Variants in AHDC1 observed in about 807,000 individuals in gnomAD.
The protein encoded by AHDC1 is transcription factor Gibbin.
In AHDC1, 7 loss-of-function variants were observed where a neutral mutation model predicts 87.9. That is an observed-to-expected ratio of 0.08 (90% CI 0.05 to 0.15). AHDC1 has a LOEUF of 0.15. AHDC1 is among the 10% of genes least tolerant of loss of function. AHDC1 has a pLI of 1.00. For missense variants in AHDC1, 1,841 were observed against 2,253.2 expected (o/e 0.82, Z 3.70); for synonymous variants, 1,051 against 1,006.8 (o/e 1.04, Z -0.83).
Position 27,593,109 on chromosome 1 carries a change from G to A in AHDC1, c.-629+10288C>T, listed in dbSNP as rs544007126. Among the ~76,000 whole-genome samples the A allele has an allele frequency of 1.3e-5, 2 of 152,168 alleles. No individual in the cohort carries two copies. The highest frequency in any genetic ancestry group is 1.9e-4 in the East Asian group (1 of 5,156). ...CCCTCCAGGGGACACAGGCCTCGGT[G>A]GAACGGAGTAGACACGGTGTCTCCT... is the stretch of plus-strand genomic sequence containing the variant. On this transcript the variant is annotated intron_variant, in intron 3 of 8. Transcript: ENST00000673934. This position sits in a 1 kb window ranked among gnomAD's most constrained non-coding sequence, Gnocchi z 4.9.
intron 3 of AHDC1, among the ~76,000 whole-genome samples, chr1:27,599,349 C>T (rs2089466819): frequency 6.6e-6 from 1 of 152,090 alleles, no homozygotes; most frequent in African/African-American, 2.4e-5. Context: ...CTCACTGTTT[C>T]CCCTCCTCTC....
intron 3 of AHDC1, among the ~76,000 whole-genome samples, chr1:27,564,058 A>G (rs1571275661): frequency 6.6e-6 from 1 of 152,168 alleles, no homozygotes; most frequent in Admixed American, 6.5e-5. Context: ...CATAGCTTCC[A>G]GGGGAGCCCT....
intron 8 of AHDC1, among the ~76,000 whole-genome samples, chr1:27,543,421 C>T (rs1249341154): frequency 6.6e-6 from 1 of 152,268 alleles, no homozygotes; most frequent in East Asian, 1.9e-4. Context: ...CCATCAGCCA[C>T]AGCTCTCAGA....
chr1:27,555,499 T>C (rs2019778217), intron 5 of AHDC1, among the ~76,000 whole-genome samples: 1 of 152,146 alleles, frequency 6.6e-6, no homozygotes, highest in Admixed American at 6.5e-5. Context: ...TACTTTGCTC[T>C]CTCCCAGGCC....
chr1:27,547,599 G>T lies in AHDC1; in HGVS notation c.4517C>A (p.Ala1506Asp). Residue 1506 changes from alanine (A) to aspartate (D), a missense_variant, in exon 8 of 9, where the codon GCT (alanine) becomes GAT (aspartate). Ala to Asp is a moderately radical substitution (Grantham distance 126). This residue lies in a region of AHDC1 where 505 missense variants were observed against 626.2 expected (regional missense o/e 0.81). Coordinates refer to ENST00000673934, the MANE Select transcript of AHDC1 (RefSeq NM_001371928.1). The surrounding 1 kb of genome is among the most constrained non-coding windows in gnomAD (Gnocchi z 4.9). The part of the protein sequence containing the change: ...EAACLSAPHL[A>D]SPPATPKADK... ...GGCCTTGGGCGTGGCTGGTGGGCTA[G>T]CCAGGTGAGGGGCACTGAGGCACGC... 1 of 1,605,750 alleles carries T rather than the reference G, an allele frequency of 6.2e-7. No homozygotes were observed. Among genetic ancestry groups the T allele is most frequent in the Non-Finnish European group, 8.5e-7 (1 of 1,176,936 alleles).
intron 3 of AHDC1, among the ~76,000 whole-genome samples, chr1:27,566,163 A>G (rs1310396303): frequency 1.3e-5 from 2 of 152,212 alleles, no homozygotes; most frequent in Non-Finnish European, 2.9e-5. Context: ...AGAAGGACAA[A>G]GTCAGAAGAA....
intron 3 of AHDC1, among the ~76,000 whole-genome samples, chr1:27,601,185 A>G (rs528924551): frequency 6.6e-6 from 1 of 152,396 alleles, no homozygotes; most frequent in East Asian, 1.9e-4. Context: ...GTTTCTCTCT[A>G]TATTATTTCA....
At chr1:27,568,712 G>A (rs1557685284) in intron 3 of AHDC1, among the ~76,000 whole-genome samples, 1 of 151,794 alleles carries the variant, frequency 6.6e-6, no homozygotes, top group Non-Finnish European at 1.5e-5. Flanking sequence ...CGCGGCGCGG[G>A]TGCCCGGGAG....
intron 3 of AHDC1, among the ~76,000 whole-genome samples, chr1:27,582,084 A>G (rs1033632264): frequency 6.6e-6 from 1 of 152,232 alleles, no homozygotes; most frequent in Non-Finnish European, 1.5e-5. Flanking sequence ...TGGCTCCAGG[A>G]AACAGGCCTC....
At chr1:27,538,023 G>A (rs965008471) in intron 8 of AHDC1, among the ~76,000 whole-genome samples, 11 of 152,218 alleles carry the variant, frequency 7.2e-5, no homozygotes, top group Non-Finnish European at 1.2e-4. Context: ...GCCAGGGCAT[G>A]AGTTAAGGTC....
rs564172150 is a variant in AHDC1 at position 27,547,138 on chromosome 1, C to T, written c.*43+123G>A. On this transcript the variant is annotated intron_variant, in intron 8 of 8. Coordinates refer to ENST00000673934, the MANE Select transcript of AHDC1 (RefSeq NM_001371928.1). This position sits in a 1 kb window ranked among gnomAD's most constrained non-coding sequence, Gnocchi z 4.9. Reference sequence around the variant, plus strand: ...AATCCCTACACCCTGCTCTCAGTCCCCAGCCTTGCCCTTAAATCCTGCATT... The same window carrying T: ...AATCCCTACACCCTGCTCTCAGTCCTCAGCCTTGCCCTTAAATCCTGCATT... 4 of 666,090 alleles carry T rather than the reference C, an allele frequency of 6.0e-6. No individual in the cohort carries two copies. The African/African-American group carries it at 7.2e-5, about 12-fold the overall frequency. 41.3% of individuals were successfully genotyped at this position (666,090 alleles called of 1,614,324 possible).
chr1:27,566,845 G>A (rs2020342714), intron 3 of AHDC1, among the ~76,000 whole-genome samples: 1 of 144,510 alleles, frequency 6.9e-6, no homozygotes, highest in South Asian at 2.2e-4. Flanking sequence ...GCTGTCGAGG[G>A]AGGGGGGCCT....
chr1:27,557,108 G>T (rs928948736), intron 5 of AHDC1, among the ~76,000 whole-genome samples: 2 of 149,920 alleles, frequency 1.3e-5, no homozygotes, highest in South Asian at 2.1e-4. Flanking sequence ...TGGCAAGCAG[G>T]TCTGCCCCAG....
At chr1:27,570,052 A>G (rs2020499864) in intron 3 of AHDC1, among the ~76,000 whole-genome samples, 3 of 151,852 alleles carry the variant, frequency 2.0e-5, no homozygotes, top group Admixed American at 6.6e-5. Flanking sequence ...ACCTCCTGTT[A>G]ACCCTCTGCA....
chr1:27,552,008 C>T lies in AHDC1; in HGVS notation c.108G>A (p.Arg36=). Residue 36 remains arginine (R), a synonymous_variant, in exon 8 of 9, where the codon CGG becomes CGA. Transcript: ENST00000673934. ...KYYPGGPPTP[R]PLLPTRPPAS... ...CAGGGGGCCGGGTGGGAAGCAGGGG[C>T]CGGGGGGTGGGGGGGCCGCCGGGGT... The T allele has an allele frequency of 6.9e-6, 1 of 145,654 alleles. No individual in the cohort carries two copies. Among genetic ancestry groups the T allele is most frequent in the Non-Finnish European group, 8.3e-6 (1 of 120,012 alleles). The allele number at this position is 145,654 out of a possible 1,614,324, so 9.0% of individuals were successfully genotyped here.
rs1427218685 is a variant in AHDC1 at position 27,560,571 on chromosome 1, G to A, written c.-628-1688C>T. On this transcript the variant is annotated intron_variant, in intron 3 of 8. Coordinates refer to ENST00000673934, the MANE Select transcript of AHDC1 (RefSeq NM_001371928.1). This position sits in a 1 kb window ranked among gnomAD's most constrained non-coding sequence, Gnocchi z 4.1. ...GTTTTCAGGGTCATGGTGTGGCAGT[G>A]TGACTGGCCACAGTGTCCCTGTGGG... is the stretch of plus-strand genomic sequence containing the variant. Among the ~76,000 whole-genome samples the A allele has an allele frequency of 2.6e-5, 4 of 152,126 alleles. No homozygotes were observed. The highest frequency in any genetic ancestry group is 9.7e-5 in the African/African-American group (4 of 41,418).
In AHDC1 at chr1:27,550,675, T is replaced by C; in HGVS notation, c.1441A>G (p.Ile481Val). ...VRRMVVKMAKIPVSLGRRNKT... is the reference protein window; with the variant it reads ...VRRMVVKMAKVPVSLGRRNKT... ...TTCCGCCGCCCCAGCGATACGGGGA[T>C]CTTGGCCATCTTCACCACCATGCGC... The change falls in exon 8 of 9, where the codon ATC (isoleucine) becomes GTC (valine). Residue 481 changes from isoleucine to valine, a missense_variant. Around this residue, in one of 13 missense-constraint regions of AHDC1, gnomAD observed 27 missense variants for 58.6 expected, o/e 0.46. Transcript: ENST00000673934. 1 of 1,613,012 alleles carries C rather than the reference T, an allele frequency of 6.2e-7. No individual in the cohort carries two copies. The highest frequency in any genetic ancestry group is 8.5e-7 in the Non-Finnish European group (1 of 1,179,806).
At chr1:27,571,396 G>A (rs1262432721) in intron 3 of AHDC1, among the ~76,000 whole-genome samples, 1 of 152,012 alleles carries the variant, frequency 6.6e-6, no homozygotes, top group African/African-American at 2.4e-5. Flanking sequence ...CTGGGACAAA[G>A]AGCCTGGAGC....
chr1:27,558,167 C>T lies in AHDC1; in HGVS notation c.-225+138G>A, dbSNP rs2019911994. On this transcript the variant is annotated intron_variant, in intron 5 of 8. Transcript: ENST00000673934. The surrounding 1 kb of genome is among the most constrained non-coding windows in gnomAD (Gnocchi z 5.6). ...TGCAGGGCAGGGCAGCTTCACCTGG[C>T]TCTGCAGCTCCTGAGCCTGGGTGGG... is the stretch of plus-strand genomic sequence containing the variant. The T allele has an allele frequency of 6.6e-6, 1 of 152,280 alleles. No homozygotes were observed. Among genetic ancestry groups the T allele is most frequent in the African/African-American group, 2.4e-5 (1 of 41,454 alleles). 9.4% of individuals were successfully genotyped at this position (152,280 alleles called of 1,614,324 possible).
Sources: gnomAD v4.1 joint callset for allele counts (sites outside exome capture counted in the v4.1 genomes callset) on GRCh38, gnomAD v4.1.1 for gene constraint, gnomAD v4.1.1 regional missense constraint, Gnocchi (gnomAD v3.1) non-coding constraint, MANE v1.5 for transcripts, NCBI Gene and HGNC (gene_info 2026-07-23, HGNC 2026-07-21) for gene names.